The following SLC16A9 variants were observed in gnomAD, a reference collection of about 807,000 sequenced individuals.
The protein encoded by SLC16A9 is monocarboxylate transporter 9.
In SLC16A9, 26 loss-of-function variants were observed where a neutral mutation model predicts 44.3. The observed-to-expected ratio is 0.59, with a 90% confidence interval of 0.43 to 0.81. The LOEUF (loss-of-function observed/expected upper bound fraction) is 0.81, where lower values mean the gene tolerates loss of function less well. Ranked by LOEUF, SLC16A9 falls within the 40% of genes least tolerant of loss-of-function variation. SLC16A9 has a pLI of 0.00. For missense variants in SLC16A9, 559 were observed against 595.8 expected (o/e 0.94, Z 0.64); for synonymous variants, 230 against 225.1 (o/e 1.02, Z -0.19).
At chr10:59,706,487 G>A (rs1840638865) in intron 1 of SLC16A9, among the ~76,000 whole-genome samples, 1 of 152,164 alleles carries the variant, frequency 6.6e-6, no homozygotes, top group African/African-American at 2.4e-5. Flanking sequence ...ATATGATCCA[G>A]CAATCTCACT....
chr10:59,683,423 T>C (rs1208229537), intron 2 of SLC16A9, among the ~76,000 whole-genome samples: 2 of 152,236 alleles, frequency 1.3e-5, no homozygotes, highest in African/African-American at 4.8e-5. Context: ...TAACTGTTCA[T>C]CAAGAATATC....
At chr10:59,654,735 A>G (rs1388910141) in intron 4 of SLC16A9, 146 bp from the exon 5 acceptor site, 11 of 651,538 alleles carry the variant, frequency 1.7e-5, no homozygotes, top group South Asian at 2.7e-5. Context: ...GAAGATAACA[A>G]TAATAACAAT....
intron 2 of SLC16A9, among the ~76,000 whole-genome samples, chr10:59,678,969 G>C (rs1839927379): frequency 6.6e-6 from 1 of 152,144 alleles, no homozygotes; most frequent in Non-Finnish European, 1.5e-5. Flanking sequence ...ACCCAGCTCT[G>C]CCAGCACTCA....
At chr10:59,657,820 A>G (rs1839383504) in intron 4 of SLC16A9, among the ~76,000 whole-genome samples, 1 of 152,096 alleles carries the variant, frequency 6.6e-6, no homozygotes, top group African/African-American at 2.4e-5. Context: ...AATCAAAAAT[A>G]AAATTCTAAG....
At position 59,684,229 on chromosome 10, in the gene SLC16A9, A is replaced by G; in HGVS notation, c.63T>C (p.Leu21=). 1 of 1,614,094 alleles carries G rather than the reference A, an allele frequency of 6.2e-7. No individual in the cohort carries two copies. Among genetic ancestry groups the G allele is most frequent in the Non-Finnish European group, 8.5e-7 (1 of 1,179,996 alleles). The change falls in exon 2 of 6, where the codon CTT becomes CTC. Residue 21 remains leucine (L), a synonymous_variant. Transcript: ENST00000395348. ...GGGATCCGTAACACAAAAACTGAGTAAGGAAGGAGACAAACACAATCACCC... is the reference window on the plus strand; with the variant it reads ...GGGATCCGTAACACAAAAACTGAGTGAGGAAGGAGACAAACACAATCACCC... ...WGWVIVFVSF[L]TQFLCYGSPL... is the part of the protein sequence containing the mutation.
intron 2 of SLC16A9, among the ~76,000 whole-genome samples, chr10:59,681,902 A>C (rs776100418): frequency 3.5e-5 from 5 of 144,018 alleles, no homozygotes; most frequent in Non-Finnish European, 7.5e-5. Flanking sequence ...ACGCAGGCGT[A>C]AGTTGTAGCT....
At chr10:59,694,989 T>C (rs1840341271) in intron 1 of SLC16A9, among the ~76,000 whole-genome samples, 1 of 151,784 alleles carries the variant, frequency 6.6e-6, no homozygotes, top group Admixed American at 6.6e-5. Flanking sequence ...AGGGATGGAA[T>C]GCTTATACAT....
intron 1 of SLC16A9, among the ~76,000 whole-genome samples, chr10:59,699,071 A>G (rs1464763622): frequency 6.6e-6 from 1 of 152,066 alleles, no homozygotes; most frequent in Admixed American, 6.5e-5. Context: ...TGCATTTTTC[A>G]TACCCTAGTG....
chr10:59,688,055 G>T (rs1206686884), intron 1 of SLC16A9, among the ~76,000 whole-genome samples: 1 of 152,000 alleles, frequency 6.6e-6, no homozygotes, highest in Non-Finnish European at 1.5e-5. Context: ...GAGATCCAAG[G>T]CTTAACCTTC....
rs763355766 is a variant in SLC16A9, at chr10:59,654,296, T to G, written c.730A>C (p.Asn244His). ...AGGCTGTCTTGTTTCCAGTCACCAT[T>G]GGCTAACGTGATCCTGCATTTTTCC... ...SEEKCRITLA[N>H]GDWKQDSLLH... Residue 244 changes from asparagine (N) to histidine (H), a missense_variant, in exon 5 of 6, where the codon AAT (asparagine) becomes CAT (histidine). Coordinates refer to ENST00000395348, the MANE Select transcript of SLC16A9 (RefSeq NM_194298.3). The G allele has an allele frequency of 1.2e-5, 20 of 1,614,108 alleles. No homozygotes were observed. Among genetic ancestry groups the G allele is most frequent in the Non-Finnish European group, 1.6e-5 (19 of 1,180,046 alleles).
chr10:59,677,547 A>T (rs886279583), intron 2 of SLC16A9, among the ~76,000 whole-genome samples: 1 of 152,194 alleles, frequency 6.6e-6, no homozygotes, highest in Non-Finnish European at 1.5e-5. Context: ...ACAATCCAGG[A>T]CTCAGACAAG....
At chr10:59,670,255 C>T (rs1714403815) in intron 3 of SLC16A9, among the ~76,000 whole-genome samples, 2 of 152,050 alleles carry the variant, frequency 1.3e-5, no homozygotes, top group South Asian at 4.2e-4. Context: ...AGTCACAATA[C>T]CTCCATGAAC....
chr10:59,665,800 C>A lies in SLC16A9; in HGVS notation c.341-1478G>T, dbSNP rs190706482. ...TGTCAGAGCTGTGTCAAAGGTTAAGCATTCAAGACATGAAAAAAAGACATT... is the reference window on the plus strand; with the variant it reads ...TGTCAGAGCTGTGTCAAAGGTTAAGAATTCAAGACATGAAAAAAAGACATT... On this transcript the variant is annotated intron_variant, in intron 3 of 5. Coordinates refer to ENST00000395348, the MANE Select transcript of SLC16A9 (RefSeq NM_194298.3). Among the ~76,000 whole-genome samples the A allele has an allele frequency of 2.0e-5, 3 of 152,218 alleles. No individual in the cohort carries two copies. The East Asian group carries it at 5.8e-4, about 29-fold the overall frequency.
intron 4 of SLC16A9, among the ~76,000 whole-genome samples, chr10:59,661,840 AACC>A (rs1839482247): frequency 6.6e-6 from 1 of 151,474 alleles, no homozygotes; most frequent in Non-Finnish European, 1.5e-5. Context: ...ACACATATAC[AACC>A]ATCTGATCTT....
chr10:59,688,365 T>C (rs904816011), intron 1 of SLC16A9, among the ~76,000 whole-genome samples: 5 of 152,210 alleles, frequency 3.3e-5, no homozygotes, highest in Admixed American at 2.6e-4. Context: ...GCAGAACTCA[T>C]GTCACCACGT....
intron 4 of SLC16A9, among the ~76,000 whole-genome samples, chr10:59,660,359 A>ATGGGATTATATACTATAAACTTTAT (rs1269857996): frequency 6.6e-5 from 10 of 152,218 alleles, no homozygotes; most frequent in Non-Finnish European, 1.3e-4. Flanking sequence ...CCCATCAGAG[A>ATGGGATTATATACTATAAACTTTAT]ATACTATAAA....
intron 4 of SLC16A9, among the ~76,000 whole-genome samples, chr10:59,661,883 G>C (rs2132419206): frequency 6.6e-6 from 1 of 152,204 alleles, no homozygotes; most frequent in South Asian, 2.1e-4. Context: ...AAGCAATGGG[G>C]AAAGGATTCC....
At chr10:59,684,472 A>G (rs1840090899) in intron 1 of SLC16A9, 145 bp from the exon 2 acceptor site, 1 of 464,762 alleles carries the variant, frequency 2.2e-6, no homozygotes, top group Non-Finnish European at 3.8e-6. Context: ...TCACTGACAT[A>G]GCAAGTTAAC....
chr10:59,671,137 T>A (rs1305170518), intron 3 of SLC16A9, among the ~76,000 whole-genome samples: 1 of 152,200 alleles, frequency 6.6e-6, no homozygotes, highest in Non-Finnish European at 1.5e-5. Context: ...ACAGAACCTG[T>A]GTCTGCTGAC....
Sources: allele counts gnomAD v4.1 joint callset (sites outside exome capture counted in the v4.1 genomes callset), GRCh38; gene constraint gnomAD v4.1.1; transcripts MANE v1.5; gene names NCBI Gene and HGNC (gene_info 2026-07-23, HGNC 2026-07-21).